The following DCLK3 variants were observed in gnomAD, a reference collection of about 807,000 sequenced individuals.
DCLK3 encodes the protein doublecortin like kinase 3.
In DCLK3, 30 loss-of-function variants were observed where a neutral mutation model predicts 46.4. That is an observed-to-expected ratio of 0.65 (90% CI 0.48 to 0.88). The LOEUF (loss-of-function observed/expected upper bound fraction) is 0.88, where lower values mean the gene tolerates loss of function less well. Ranked by LOEUF, DCLK3 falls within the 40% of genes least tolerant of loss-of-function variation. The pLI is 0.00. For synonymous variants in DCLK3, 401 were observed against 339.2 expected, an observed-to-expected ratio of 1.18 and a Z score of -2.00; for missense variants, 846 against 907.1, an observed-to-expected ratio of 0.93 and a Z score of 0.87.
At chr3:36,741,154 G>A (rs1701340460) in intron 1 of DCLK3, among the ~76,000 whole-genome samples, 1 of 152,182 alleles carries the variant, frequency 6.6e-6, no homozygotes, top group Non-Finnish European at 1.5e-5. Context: ...AGCTGATGTT[G>A]AGAGAAAGAA....
At chr3:36,734,922 A>G (rs9882438) in intron 2 of DCLK3, among the ~76,000 whole-genome samples, 147,701 of 152,342 alleles carry the variant, frequency 0.97, 71,669 homozygotes, top group African/African-American at 0.99. Context: ...CTCAAAAATA[A>G]CTGATAAATC....
rs1253717761 is a variant in DCLK3 at position 36,760,723 on chromosome 3, T to C, written c.82+3459A>G. On this transcript the variant is annotated intron_variant, in intron 1 of 4. Coordinates refer to ENST00000636136, the MANE Select transcript of DCLK3 (RefSeq NM_001394672.2). ...TAGACCTCCTGAATCAGAATCTATATTTTAATAAGATCCCCAGATGATTCA... is the reference window on the plus strand; with the variant it reads ...TAGACCTCCTGAATCAGAATCTATACTTTAATAAGATCCCCAGATGATTCA... Among the ~76,000 whole-genome samples the C allele has an allele frequency of 2.0e-5, 3 of 152,212 alleles. No homozygotes were observed. In the East Asian group the frequency reaches 5.8e-4, roughly 29 times the overall value.
At position 36,714,972 on chromosome 3, in the gene DCLK3, C is replaced by T. The variant is rs1284584967; in HGVS notation, c.*356G>A. On this transcript the variant is annotated 3_prime_UTR_variant, in exon 5 of 5. Transcript: ENST00000636136. ...ATTAACACAGAAAGACCACAATGCA[C>T]CTTATTAATCTCACAGGGGGAGTTT... 5.2e-6 allele frequency: 1 copy of T among 193,748 alleles called. No homozygotes were observed. The highest frequency in any genetic ancestry group is 1.1e-5 in the Non-Finnish European group (1 of 94,548). 12.0% of individuals were successfully genotyped at this position (193,748 alleles called of 1,614,324 possible). A position where few individuals can be genotyped will look rare whatever the true frequency, so the allele number is the denominator to read the frequency against.
At chr3:36,753,241 T>C (rs142769625) in intron 1 of DCLK3, among the ~76,000 whole-genome samples, 151 of 152,322 alleles carry the variant, frequency 9.9e-4, no homozygotes, top group Non-Finnish European at 1.7e-3. Context: ...TTCCTTTTTT[T>C]CCCCTCTGAG....
chr3:36,761,090 C>T (rs909740730), intron 1 of DCLK3, among the ~76,000 whole-genome samples: 2 of 152,208 alleles, frequency 1.3e-5, no homozygotes, highest in Non-Finnish European at 2.9e-5. Flanking sequence ...GCCCAAGCAG[C>T]TCTGGAGACT....
rs376708901 is a variant in DCLK3, at chr3:36,739,035, G to A, written c.132C>T (p.Ile44=). The A allele has an allele frequency of 1.3e-4, 50 of 398,858 alleles. 1 individual carries two copies. The East Asian group carries it at 1.4e-3, about 11-fold the overall frequency. The allele number at this position is 398,858 out of a possible 1,614,324, so 24.7% of individuals were successfully genotyped here. A position where few individuals can be genotyped will look rare whatever the true frequency, so the allele number is the denominator to read the frequency against. The part of the protein sequence containing the change: ...DHSLKYLSSR[I]TERKLQGSWL... The stretch of plus-strand genomic sequence containing the variant: ...AGGAGCCTTGCAGCTTCCGCTCTGT[G>A]ATTCTCGAGCTTAAATATTTTAGAG... Residue 44 remains isoleucine (I), a synonymous_variant, in exon 2 of 5, where the codon ATC becomes ATT. Coordinates refer to ENST00000636136, the MANE Select transcript of DCLK3 (RefSeq NM_001394672.2).
intron 1 of DCLK3, among the ~76,000 whole-genome samples, chr3:36,763,564 G>A (rs1047805868): frequency 2.0e-5 from 3 of 152,188 alleles, no homozygotes; most frequent in African/African-American, 7.2e-5. Flanking sequence ...TGGTTCTTCT[G>A]TGTTTCTTTA....
intron 1 of DCLK3, among the ~76,000 whole-genome samples, chr3:36,748,319 G>A (rs576192161): frequency 3.2e-4 from 49 of 152,310 alleles, no homozygotes; most frequent in African/African-American, 1.1e-3. Flanking sequence ...CAGAACAGCT[G>A]GTTTAAGTGT....
chr3:36,747,480 G>GTA (rs1559393536), intron 1 of DCLK3, among the ~76,000 whole-genome samples: 1 of 151,638 alleles, frequency 6.6e-6, no homozygotes, highest in Non-Finnish European at 1.5e-5. Flanking sequence ...TCTCATATAT[G>GTA]TATATATATG....
At chr3:36,755,607 T>G (rs946008845) in intron 1 of DCLK3, among the ~76,000 whole-genome samples, 4 of 152,066 alleles carry the variant, frequency 2.6e-5, no homozygotes, top group African/African-American at 9.7e-5. Context: ...ATCAAACTAC[T>G]GAAGAGGAGG....
chr3:36,743,285 A>AG (rs1166458516), intron 1 of DCLK3, among the ~76,000 whole-genome samples: 1 of 147,624 alleles, frequency 6.8e-6, no homozygotes, highest in Non-Finnish European at 1.5e-5. Context: ...AAAAAAAAAA[A>AG]AAAAACTCCT....
intron 3 of DCLK3, among the ~76,000 whole-genome samples, chr3:36,719,974 A>G (rs753400709): frequency 2.6e-5 from 4 of 152,208 alleles, no homozygotes; most frequent in Non-Finnish European, 5.9e-5. Context: ...TTTGTGGAGA[A>G]TTTAAGCTCA....
intron 1 of DCLK3, among the ~76,000 whole-genome samples, chr3:36,740,482 T>C (rs1363671744): frequency 6.6e-6 from 1 of 152,234 alleles, no homozygotes; most frequent in Non-Finnish European, 1.5e-5. Context: ...GGTTTCAATC[T>C]AGGTGTAAAA....
At chr3:36,751,063 T>TAAAAAAAAAAAAAAAAAAAAAAAAA (rs5847933) in intron 1 of DCLK3, among the ~76,000 whole-genome samples, 1 of 76,476 alleles carries the variant, frequency 1.3e-5, no homozygotes, top group Non-Finnish European at 2.3e-5. Context: ...CGGGATGATC[T>TAAAAAAAAAAAAAAAAAAAAAAAAA]AAAAAAAAAA....
At chr3:36,719,203 A>G (rs1559386243) in intron 3 of DCLK3, among the ~76,000 whole-genome samples, 2 of 152,344 alleles carry the variant, frequency 1.3e-5, no homozygotes, top group East Asian at 3.9e-4. Flanking sequence ...AGCAATATAC[A>G]GTAAAGGTTT....
chr3:36,759,717 C>T (rs766406583), intron 1 of DCLK3, among the ~76,000 whole-genome samples: 1 of 152,176 alleles, frequency 6.6e-6, no homozygotes, highest in Non-Finnish European at 1.5e-5. Context: ...CATGCTGTTC[C>T]TCAGTCTTAG....
chr3:36,726,854 C>T (rs1028808382), intron 2 of DCLK3, among the ~76,000 whole-genome samples: 1 of 152,114 alleles, frequency 6.6e-6, no homozygotes, highest in Non-Finnish European at 1.5e-5. Context: ...TTTAAGAAAA[C>T]CTTGTTTGGA....
intron 1 of DCLK3, among the ~76,000 whole-genome samples, chr3:36,757,522 C>G (rs1362674097): frequency 6.6e-6 from 1 of 152,102 alleles, no homozygotes; most frequent in Non-Finnish European, 1.5e-5. Flanking sequence ...GTAATATTGC[C>G]AGAATCTGCT....
At chr3:36,763,481 A>C (rs1265469373) in intron 1 of DCLK3, among the ~76,000 whole-genome samples, 1 of 152,256 alleles carries the variant, frequency 6.6e-6, no homozygotes, top group African/African-American at 2.4e-5. Flanking sequence ...AATTGATAGG[A>C]TATTTCACGA....
Sources: allele counts gnomAD v4.1 joint callset (sites outside exome capture counted in the v4.1 genomes callset), GRCh38; gene constraint gnomAD v4.1.1; transcripts MANE v1.5; gene names NCBI Gene and HGNC (gene_info 2026-07-23, HGNC 2026-07-21).